Variants in CLXN observed in about 807,000 individuals in gnomAD.
The protein encoded by CLXN is calaxin, also known as EF-hand calcium binding domain 1.
At chr8:48,729,112 T>C in the CLXN span, 1 of 1,613,484 alleles carries the variant, frequency 6.2e-7, no homozygotes, top group East Asian at 2.2e-5. Flanking sequence ...CAGTTCATAG[T>C]CTGCAAAAGA....
the CLXN span, among the ~76,000 whole-genome samples, chr8:48,726,463 CA>C: frequency 6.7e-6 from 1 of 149,304 alleles, no homozygotes; most frequent in East Asian, 2.0e-4. Context: ...CCTCACCCAT[CA>C]ATCCATCTCA....
the CLXN span, among the ~76,000 whole-genome samples, chr8:48,712,942 G>A: frequency 6.8e-6 from 1 of 146,974 alleles, no homozygotes; most frequent in South Asian, 2.1e-4. Flanking sequence ...AGAGGTTGCA[G>A]TGAGCCAAGA....
the CLXN span, chr8:48,716,165 G>A: frequency 6.6e-6 from 1 of 152,506 alleles, no homozygotes; most frequent in Non-Finnish European, 1.5e-5. Flanking sequence ...AGCACTGCTT[G>A]GGCGGGCCGG....
chr8:48,731,644 T>C, the CLXN span: 1 of 647,466 alleles, frequency 1.5e-6, no homozygotes, highest in Non-Finnish European at 2.4e-6. Context: ...TGTTTTGAGA[T>C]TCATGAACCC....
At chr8:48,711,426 C>T in the CLXN span, 2 of 152,190 alleles carry the variant, frequency 1.3e-5, no homozygotes, top group Non-Finnish European at 2.9e-5. Flanking sequence ...CAGAGTTTTC[C>T]AGCCTAGTGA....
the CLXN span, chr8:48,731,289 AC>A: frequency 2.7e-6 from 4 of 1,506,688 alleles, no homozygotes; most frequent in South Asian, 2.8e-5. Context: ...CAAGCACCAA[AC>A]CCTTTTTTTT....
chr8:48,733,057 G>T, the CLXN span, among the ~76,000 whole-genome samples: 3 of 152,064 alleles, frequency 2.0e-5, no homozygotes, highest in African/African-American at 7.2e-5. Context: ...TGTACTTAAT[G>T]CCATGAAATT....
At chr8:48,732,526 T>C in the CLXN span, among the ~76,000 whole-genome samples, 5 of 152,196 alleles carry the variant, frequency 3.3e-5, no homozygotes, top group Non-Finnish European at 5.9e-5. Context: ...ATAATGGTTA[T>C]GATTTCAAAA....
At chr8:48,726,947 A>G in the CLXN span, among the ~76,000 whole-genome samples, 1 of 140,694 alleles carries the variant, frequency 7.1e-6, no homozygotes, top group Admixed American at 7.1e-5. Context: ...CCAACCATCC[A>G]TATAACCAAT....
the CLXN span, among the ~76,000 whole-genome samples, chr8:48,718,051 G>T: frequency 2.0e-5 from 3 of 152,166 alleles, no homozygotes; most frequent in Admixed American, 1.3e-4. Context: ...TGGTTGAACA[G>T]ATTTTAGAAA....
the CLXN span, among the ~76,000 whole-genome samples, chr8:48,714,640 G>A: frequency 1.3e-5 from 2 of 152,290 alleles, no homozygotes; most frequent in East Asian, 1.9e-4. Flanking sequence ...TGCTCATGAC[G>A]GTCCGTGATA....
At chr8:48,731,745 C>T in the CLXN span, among the ~76,000 whole-genome samples, 1 of 152,038 alleles carries the variant, frequency 6.6e-6, no homozygotes, top group South Asian at 2.1e-4. Flanking sequence ...AGCCAAGTTA[C>T]TAGAATAATG....
chr8:48,713,124 G>A, the CLXN span, among the ~76,000 whole-genome samples: 2 of 152,240 alleles, frequency 1.3e-5, no homozygotes, highest in South Asian at 4.1e-4. Flanking sequence ...AACTTAGACT[G>A]GAAAACACTG....
chr8:48,725,590 G>A, the CLXN span, among the ~76,000 whole-genome samples: 5 of 152,120 alleles, frequency 3.3e-5, no homozygotes, highest in Non-Finnish European at 7.3e-5. Flanking sequence ...GATCACTTGA[G>A]GTCGGGAGTT....
At chr8:48,724,164 G>A in the CLXN span, 1 of 152,110 alleles carries the variant, frequency 6.6e-6, no homozygotes, top group Non-Finnish European at 1.5e-5. Context: ...CTTACAATCA[G>A]TAACGTTATT....
the CLXN span, chr8:48,713,827 A>ATT: frequency 6.6e-6 from 1 of 152,252 alleles, no homozygotes; most frequent in Non-Finnish European, 1.5e-5. Context: ...CAGGTTAAGA[A>ATT]TGCAGGACTA....
the CLXN span, chr8:48,730,708 A>G: frequency 1.1e-5 from 10 of 874,696 alleles, 1 homozygote; most frequent in Non-Finnish European, 1.4e-5. Flanking sequence ...AAGTATCTAC[A>G]TTGGCATCAC....
the CLXN span, among the ~76,000 whole-genome samples, chr8:48,722,337 A>T: frequency 1.3e-5 from 2 of 152,170 alleles, no homozygotes; most frequent in Non-Finnish European, 2.9e-5. Context: ...TGGGAATGCA[A>T]ATTGGTACAG....
At chr8:48,729,780 T>C in the CLXN span, 1 of 1,613,650 alleles carries the variant, frequency 6.2e-7, no homozygotes, top group Non-Finnish European at 8.5e-7. Flanking sequence ...CTTCCTCAGA[T>C]GGCTGTTTGA....
Sources: allele counts gnomAD v4.1 joint callset (sites outside exome capture counted in the v4.1 genomes callset), GRCh38; gene constraint gnomAD v4.1.1; transcripts MANE v1.5; gene names NCBI Gene and HGNC (gene_info 2026-07-23, HGNC 2026-07-21).